Variants in AP3S2 observed in about 807,000 individuals in gnomAD.
AP3S2 encodes the protein AP-3 complex subunit sigma-2.
Under a neutral mutation model 23.4 loss-of-function variants are expected in AP3S2, and 22 were observed. The observed-to-expected ratio is 0.94, with a 90% confidence interval of 0.67 to 1.34. The LOEUF (loss-of-function observed/expected upper bound fraction) is 1.34. AP3S2 is among the 40% of genes most tolerant of loss of function. The pLI is 0.00. For synonymous variants in AP3S2, 86 were observed against 87.1 expected (o/e 0.99, Z 0.07); for missense variants, 241 against 236.9 (o/e 1.02, Z -0.11).
At chr15:89,859,249 CTCCT>C (rs1481256934) in intron 4 of AP3S2, among the ~76,000 whole-genome samples, 6 of 143,716 alleles carry the variant, frequency 4.2e-5, no homozygotes, top group South Asian at 4.5e-4. Context: ...TTCTTTTTCC[CTCCT>C]TCCTTCCTTT....
chr15:89,878,300 C>T (rs1196299630), intron 3 of AP3S2: 3 of 661,050 alleles, frequency 4.5e-6, no homozygotes, highest in Non-Finnish European at 8.1e-6. Context: ...TCCAGATGTA[C>T]CTACATAAAG....
intron 4 of AP3S2, among the ~76,000 whole-genome samples, chr15:89,859,175 C>CTTCT (rs1895939502): frequency 6.6e-6 from 1 of 150,632 alleles, no homozygotes; most frequent in South Asian, 2.1e-4. Context: ...TCCTTCCTTC[C>CTTCT]TTCCTTTCTT....
chr15:89,848,621 G>C (rs1895557028), intron 4 of AP3S2: 2 of 152,282 alleles, frequency 1.3e-5, no homozygotes, highest in African/African-American at 4.8e-5. Flanking sequence ...TGGCCTCCCA[G>C]GCTGATAGCT....
At chr15:89,859,009 G>T (rs919912783) in intron 4 of AP3S2, among the ~76,000 whole-genome samples, 4 of 151,190 alleles carry the variant, frequency 2.6e-5, no homozygotes, top group South Asian at 2.1e-4. Flanking sequence ...CCTTGCTTTT[G>T]TTTTTTTCTT....
chr15:89,872,541 TCAGA>T (rs562139962), intron 3 of AP3S2, among the ~76,000 whole-genome samples: 521 of 152,318 alleles, frequency 3.4e-3, no homozygotes, highest in Middle Eastern at 0.02. Context: ...TTAATTTCTC[TCAGA>T]CAATGACCTC....
At position 89,835,454 on chromosome 15, in the gene AP3S2, G is replaced by C. The variant is rs751614179; in HGVS notation, c.*61C>G. 2 of 1,601,464 alleles carry C rather than the reference G, an allele frequency of 1.2e-6. No individual in the cohort carries two copies. The highest frequency in any genetic ancestry group is 1.7e-6 in the Non-Finnish European group (2 of 1,173,682). On this transcript the variant is annotated 3_prime_UTR_variant, in exon 6 of 6. Transcript: ENST00000336418. Reference sequence around the variant, plus strand: ...CTCAAAATGGGTTCTGTTTCCAGACGTGCTTGCCTTGCTTGTCTTTGCTTG... The same window carrying C: ...CTCAAAATGGGTTCTGTTTCCAGACCTGCTTGCCTTGCTTGTCTTTGCTTG...
intron 4 of AP3S2, among the ~76,000 whole-genome samples, chr15:89,867,229 G>T (rs1483134624): frequency 2.0e-5 from 3 of 149,802 alleles, no homozygotes; most frequent in East Asian, 2.0e-4. Flanking sequence ...GGCCGGGCCG[G>T]TCTCCAGCCC....
intron 4 of AP3S2, among the ~76,000 whole-genome samples, chr15:89,859,174 CCTTCCTTT>C (rs1327427785): frequency 2.0e-5 from 3 of 150,432 alleles, no homozygotes; most frequent in East Asian, 2.1e-4. Context: ...GTCCTTCCTT[CCTTCCTTT>C]CTTCCTTCCT....
chr15:89,882,271 GAA>G lies in AP3S2; in HGVS notation c.273+6248_273+6249del, dbSNP rs545559744. On this transcript the variant is annotated intron_variant, in intron 3 of 5. Coordinates refer to ENST00000336418, the MANE Select transcript of AP3S2 (RefSeq NM_005829.5). Reference sequence around the variant, plus strand: ...GTTTTATTCATATTAATTAAAAAAAGAAACAAAGTATCCAGTGTCTGTTATCC... The same window carrying G: ...GTTTTATTCATATTAATTAAAAAAAGACAAAGTATCCAGTGTCTGTTATCC... 7.3e-3 allele frequency among the ~76,000 whole-genome samples: 1,110 copies of G among 151,960 alleles called. 8 individuals are homozygous for G. The highest frequency in any genetic ancestry group is 0.012 in the Non-Finnish European group (839 of 67,954).
chr15:89,838,901 T>C (rs1306943817), intron 4 of AP3S2, among the ~76,000 whole-genome samples: 1 of 152,110 alleles, frequency 6.6e-6, no homozygotes, highest in East Asian at 1.9e-4. Context: ...GATGGCAACT[T>C]TCTTTATGCA....
chr15:89,879,362 A>G (rs1051885126), intron 3 of AP3S2, among the ~76,000 whole-genome samples: 2 of 152,224 alleles, frequency 1.3e-5, no homozygotes, highest in African/African-American at 4.8e-5. Flanking sequence ...AATCTGTACT[A>G]TGGGAATTAA....
intron 1 of AP3S2, among the ~76,000 whole-genome samples, chr15:89,891,347 A>G (rs7174330): frequency 0.46 from 70,472 of 151,994 alleles, 16,535 homozygotes; most frequent in East Asian, 0.6. Context: ...ATCATTAGTC[A>G]TTTTGGAAAC....
intron 4 of AP3S2, chr15:89,845,709 G>A (rs1007367779): frequency 6.6e-6 from 1 of 152,214 alleles, no homozygotes. Context: ...GGTAGGGAAA[G>A]AAAATCTGAG....
At chr15:89,859,387 T>TTTCC (rs1895953827) in intron 4 of AP3S2, among the ~76,000 whole-genome samples, 2 of 73,540 alleles carry the variant, frequency 2.7e-5, no homozygotes, top group African/African-American at 5.2e-5. Flanking sequence ...CCTTCCTTCC[T>TTTCC]TTTCTTTCTT....
rs1596227864 is a variant in AP3S2, at chr15:89,893,825, G to C, written c.69+56C>G. On this transcript the variant is annotated intron_variant, in intron 1 of 5. Coordinates refer to ENST00000336418, the MANE Select transcript of AP3S2 (RefSeq NM_005829.5). Reference sequence around the variant, plus strand: ...CCCCGGGCGCCGAGAGGCCAAAGAGGAGGGAAGACATAGTGGGCGCCCTGA... The same window carrying C: ...CCCCGGGCGCCGAGAGGCCAAAGAGCAGGGAAGACATAGTGGGCGCCCTGA... 3 of 1,538,658 alleles carry C rather than the reference G, an allele frequency of 1.9e-6. No individual in the cohort carries two copies. The East Asian group carries it at 7.3e-5, about 38-fold the overall frequency.
intron 1 of AP3S2, among the ~76,000 whole-genome samples, chr15:89,890,495 C>T (rs1422038518): frequency 6.6e-6 from 1 of 152,182 alleles, no homozygotes; most frequent in Non-Finnish European, 1.5e-5. Context: ...GCAATTAAGA[C>T]AGATAATAAC....
chr15:89,846,310 A>G (rs539112247), intron 4 of AP3S2, among the ~76,000 whole-genome samples: 73 of 152,192 alleles, frequency 4.8e-4, no homozygotes, highest in Admixed American at 4.7e-3. Flanking sequence ...CTAACCTGTT[A>G]TCGAGTCTCT....
intron 3 of AP3S2, chr15:89,876,591 A>C (rs959032546): frequency 2.0e-5 from 3 of 152,502 alleles, no homozygotes; most frequent in Non-Finnish European, 4.4e-5. Context: ...GAGAGAAAGA[A>C]GAGCATTGAG....
At chr15:89,838,283 T>C (rs1895243309) in intron 4 of AP3S2, among the ~76,000 whole-genome samples, 2 of 152,242 alleles carry the variant, frequency 1.3e-5, no homozygotes, top group African/African-American at 4.8e-5. Context: ...TGTGCTCCAC[T>C]GAAGGGACGT....
Sources: gnomAD v4.1 joint callset for allele counts (sites outside exome capture counted in the v4.1 genomes callset) on GRCh38, gnomAD v4.1.1 for gene constraint, MANE v1.5 for transcripts, NCBI Gene and HGNC (gene_info 2026-07-23, HGNC 2026-07-21) for gene names.